Variants in RABGAP1L observed in about 807,000 individuals in gnomAD.
The protein encoded by RABGAP1L is rab GTPase-activating protein 1-like.
A neutral mutation model predicts 137.7 loss-of-function variants in RABGAP1L; 63 were observed. The observed-to-expected ratio is 0.46, with a 90% CI of 0.37 to 0.56. The LOEUF (loss-of-function observed/expected upper bound fraction) is 0.56. Ranked by LOEUF, RABGAP1L falls within the 20% of genes least tolerant of loss-of-function variation. The pLI is 0.00. For missense variants in RABGAP1L, 1,095 were observed against 1,244.0 expected, an observed-to-expected ratio of 0.88 and a Z score of 1.80; for synonymous variants, 431 against 433.7, an observed-to-expected ratio of 0.99 and a Z score of 0.08.
At chr1:174,943,441 A>C (rs558809595) in intron 19 of RABGAP1L, among the ~76,000 whole-genome samples, 1 of 152,358 alleles carries the variant, frequency 6.6e-6, no homozygotes, top group Middle Eastern at 3.4e-3. Context: ...AATAAAAATT[A>C]GAGCCATGTA....
At chr1:174,584,713 T>C (rs1185378302) in intron 13 of RABGAP1L, among the ~76,000 whole-genome samples, 2 of 152,212 alleles carry the variant, frequency 1.3e-5, no homozygotes, top group Non-Finnish European at 2.9e-5. Context: ...AGCATTTTTC[T>C]CTGTAATGTT....
chr1:174,215,841 A>G (rs137915245), intron 1 of RABGAP1L, among the ~76,000 whole-genome samples: 1 of 152,206 alleles, frequency 6.6e-6, no homozygotes, highest in Non-Finnish European at 1.5e-5. Context: ...CGAAGAAGAG[A>G]TATCTGCACT....
chr1:174,648,772 G>C (rs1331234307), intron 14 of RABGAP1L, among the ~76,000 whole-genome samples: 1 of 152,082 alleles, frequency 6.6e-6, no homozygotes. Context: ...TTTCTGTCTT[G>C]TTGATCTGTC....
chr1:174,563,003 T>TA (rs147297857), intron 13 of RABGAP1L, among the ~76,000 whole-genome samples: 1 of 152,018 alleles, frequency 6.6e-6, no homozygotes, highest in Non-Finnish European at 1.5e-5. Flanking sequence ...TAAAGTATAA[T>TA]AAAAAAAGAA....
chr1:174,725,912 G>A (rs1186078817), intron 17 of RABGAP1L, among the ~76,000 whole-genome samples: 3 of 152,042 alleles, frequency 2.0e-5, no homozygotes, highest in Non-Finnish European at 4.4e-5. Flanking sequence ...CACCAACATG[G>A]CACATGTATA....
intron 13 of RABGAP1L, among the ~76,000 whole-genome samples, chr1:174,435,476 T>C (rs1653152982): frequency 6.6e-6 from 1 of 152,162 alleles, no homozygotes; most frequent in African/African-American, 2.4e-5. Flanking sequence ...AGTTAATTTT[T>C]CCCCAGAAGA....
At chr1:174,495,484 TTCTTA>T (rs1043023275) in intron 13 of RABGAP1L, among the ~76,000 whole-genome samples, 3 of 152,158 alleles carry the variant, frequency 2.0e-5, no homozygotes, top group African/African-American at 4.8e-5. Context: ...TAAAAATAAA[TTCTTA>T]TCTTAATGTA....
chr1:174,887,085 G>A (rs993204157), intron 19 of RABGAP1L, among the ~76,000 whole-genome samples: 3 of 152,052 alleles, frequency 2.0e-5, no homozygotes, highest in African/African-American at 4.8e-5. Flanking sequence ...GATTATAGGC[G>A]CGAGCCACCA....
chr1:174,849,970 CT>C, intron 19 of RABGAP1L: 1 of 725,832 alleles, frequency 1.4e-6, no homozygotes, highest in Non-Finnish European at 2.4e-6. Context: ...ACATACACAT[CT>C]TTTAGAAATG....
At chr1:174,345,893 A>AT (rs1682384040) in intron 11 of RABGAP1L, among the ~76,000 whole-genome samples, 1 of 151,874 alleles carries the variant, frequency 6.6e-6, no homozygotes, top group African/African-American at 2.4e-5. Context: ...TTGTATATGG[A>AT]TTTTATTGTG....
At position 174,416,037 on chromosome 1, in the gene RABGAP1L, C is replaced by CACACATATACAT. The variant is rs1553297987; in HGVS notation, c.1710+21897_1710+21898insTATACATACACA. 5.8e-3 allele frequency among the ~76,000 whole-genome samples: 731 copies of CACACATATACAT among 126,096 alleles called. 29 individuals carry two copies. Among genetic ancestry groups the CACACATATACAT allele is most frequent in the African/African-American group, 0.022 (604 of 27,132 alleles). 82.7% of individuals were successfully genotyped at this position (126,096 alleles called of 152,430 possible). ...AAATTTACATATATATATATATATA[C>CACACATATACAT]ACACACATTTTTTTTTTCCTGTTTG... On this transcript the variant is annotated intron_variant, in intron 13 of 25. Coordinates refer to ENST00000681986, the MANE Select transcript of RABGAP1L (RefSeq NM_001366446.1).
At chr1:174,438,101 G>A (rs1364100344) in intron 13 of RABGAP1L, among the ~76,000 whole-genome samples, 1 of 152,158 alleles carries the variant, frequency 6.6e-6, no homozygotes, top group Admixed American at 6.5e-5. Flanking sequence ...ACCGGTACCA[G>A]CCACTGCAAA....
chr1:174,755,741 GAGATA>G (rs1304922749), intron 18 of RABGAP1L, among the ~76,000 whole-genome samples: 1 of 151,944 alleles, frequency 6.6e-6, no homozygotes, highest in Admixed American at 6.6e-5. Flanking sequence ...ATCTGAGTTT[GAGATA>G]AGATGGGAAA....
intron 15 of RABGAP1L, among the ~76,000 whole-genome samples, chr1:174,685,283 C>T (rs1036391055): frequency 1.3e-5 from 2 of 152,100 alleles, no homozygotes; most frequent in Admixed American, 6.6e-5. Context: ...GACAGAGTCT[C>T]ACTCTGTCGC....
chr1:174,298,488 C>T (rs76991270), intron 10 of RABGAP1L, among the ~76,000 whole-genome samples: 3 of 152,182 alleles, frequency 2.0e-5, no homozygotes, highest in African/African-American at 7.2e-5. Context: ...CTCACCTGCG[C>T]TGTGCCTTTT....
In RABGAP1L at chr1:174,989,984, C is replaced by T. The variant is rs1339755557; in HGVS notation, c.3139C>T (p.Pro1047Ser). 6.5e-7 allele frequency: 1 copy of T among 1,546,244 alleles called. No homozygotes were observed. The highest frequency in any genetic ancestry group is 8.7e-7 in the Non-Finnish European group (1 of 1,143,070). ...GCAGCCAGCACCGGTCACCCAGCCA[C>T]CCAAGGAGAGCACATAGTTCCAGCC... The part of the protein sequence containing the change: ...PLQPAPVTQP[P>S]KEST The change falls in exon 26 of 26, where the codon CCC (proline) becomes TCC (serine). Residue 1047 changes from proline (P) to serine (S), a missense_variant. This residue lies in a region of RABGAP1L where 312 missense variants were observed against 435.6 expected (regional missense o/e 0.72). Coordinates refer to ENST00000681986, the MANE Select transcript of RABGAP1L (RefSeq NM_001366446.1).
intron 13 of RABGAP1L, among the ~76,000 whole-genome samples, chr1:174,571,734 T>C (rs1401501018): frequency 6.6e-6 from 1 of 152,200 alleles, no homozygotes; most frequent in Non-Finnish European, 1.5e-5. Flanking sequence ...TCTGAATTTG[T>C]GCAGAATCTC....
chr1:174,486,763 A>T (rs1659705362), intron 13 of RABGAP1L, among the ~76,000 whole-genome samples: 1 of 151,790 alleles, frequency 6.6e-6, no homozygotes, highest in South Asian at 2.1e-4. Context: ...TTCTTTTTTG[A>T]TGTAAGCTCT....
chr1:174,431,922 A>G (rs530121173), intron 13 of RABGAP1L, among the ~76,000 whole-genome samples: 1 of 152,242 alleles, frequency 6.6e-6, no homozygotes, highest in African/African-American at 2.4e-5. Flanking sequence ...ATTTTTTTTT[A>G]AAAACTTGGG....
Sources: allele counts gnomAD v4.1 joint callset (sites outside exome capture counted in the v4.1 genomes callset), GRCh38; gene constraint gnomAD v4.1.1; regional missense constraint gnomAD v4.1.1; transcripts MANE v1.5; gene names NCBI Gene and HGNC (gene_info 2026-07-23, HGNC 2026-07-21).